The following FHIT variants were observed in gnomAD, a reference collection of about 807,000 sequenced individuals.
FHIT encodes the protein fragile histidine triad diadenosine triphosphatase.
FHIT carries 19 observed loss-of-function variants against 17.9 expected under a neutral mutation model. The ratio of observed to expected loss-of-function variants is 1.06; its 90% CI spans 0.74 to 1.56. The LOEUF (loss-of-function observed/expected upper bound fraction) is 1.56. FHIT is among the 40% of genes most tolerant of loss of function. FHIT has a pLI of 0.00. For missense variants in FHIT, 248 were observed against 189.2 expected, an observed-to-expected ratio of 1.31 and a Z score of -1.82; for synonymous variants, 81 against 69.7, an observed-to-expected ratio of 1.16 and a Z score of -0.81.
At chr3:60,339,758 C>T (rs1413958101) in intron 5 of FHIT, among the ~76,000 whole-genome samples, 1 of 152,142 alleles carries the variant, frequency 6.6e-6, no homozygotes, top group Non-Finnish European at 1.5e-5. Context: ...GCACAGAAAC[C>T]AACTCAAGCT....
chr3:59,984,402 G>GC (rs199720240), intron 7 of FHIT, among the ~76,000 whole-genome samples: 69 of 108,612 alleles, frequency 6.4e-4, no homozygotes, highest in African/African-American at 2.2e-3. Flanking sequence ...ACTGGGGGGG[G>GC]CTCTGGAAGA....
At chr3:60,942,703 T>A (rs1363795290) in intron 3 of FHIT, among the ~76,000 whole-genome samples, 1 of 152,194 alleles carries the variant, frequency 6.6e-6, no homozygotes, top group Non-Finnish European at 1.5e-5. Context: ...ATTTCATTTT[T>A]GGTAATATTT....
intron 1 of FHIT, among the ~76,000 whole-genome samples, chr3:61,236,229 TAA>T (rs2040228482): frequency 6.8e-6 from 1 of 148,020 alleles, no homozygotes; most frequent in Admixed American, 6.8e-5. Flanking sequence ...TATAATAATA[TAA>T]TATAGATATA....
Position 60,044,180 on chromosome 3 carries a change from G to A in FHIT, c.104-30028C>T, listed in dbSNP as rs184488183. Among the ~76,000 whole-genome samples, 305 of 152,232 alleles carry A rather than the reference G, an allele frequency of 2.0e-3. 1 individual carries two copies. Among genetic ancestry groups the A allele is most frequent in the African/African-American group, 7.0e-3 (289 of 41,548 alleles). ...CAGCCAAGTAAAACCCTAAAATCAG[G>A]AAAACATGGGTTTGCTGAATACAGT... On this transcript the variant is annotated intron_variant, in intron 5 of 9. Transcript: ENST00000492590.
At chr3:60,534,410 G>T (rs1235652435) in intron 5 of FHIT, among the ~76,000 whole-genome samples, 1 of 120,728 alleles carries the variant, frequency 8.3e-6, no homozygotes, top group Non-Finnish European at 1.7e-5. Context: ...TCCGCAGTCC[G>T]GCCTGGGCGA....
At chr3:60,324,577 A>G (rs1354265520) in intron 5 of FHIT, among the ~76,000 whole-genome samples, 2 of 151,902 alleles carry the variant, frequency 1.3e-5, no homozygotes, top group Non-Finnish European at 2.9e-5. Flanking sequence ...CCATCAGAAA[A>G]AAAAAAAAAA....
intron 8 of FHIT, among the ~76,000 whole-genome samples, chr3:59,800,120 A>G (rs1559617189): frequency 6.6e-6 from 1 of 152,246 alleles, no homozygotes; most frequent in Non-Finnish European, 1.5e-5. Context: ...CAAGAAGTGT[A>G]ACTGTGCTTG....
chr3:60,474,596 T>C (rs1209630222), intron 5 of FHIT, among the ~76,000 whole-genome samples: 3 of 152,128 alleles, frequency 2.0e-5, no homozygotes, highest in Non-Finnish European at 4.4e-5. Context: ...AGGCTCATTT[T>C]CACAAATGTA....
intron 7 of FHIT, among the ~76,000 whole-genome samples, chr3:59,973,683 G>C (rs1464387789): frequency 6.6e-6 from 1 of 152,036 alleles, no homozygotes; most frequent in East Asian, 1.9e-4. Context: ...GTTAGATTTT[G>C]TTCAACATTT....
At chr3:61,019,781 T>C (rs544540458) in intron 3 of FHIT, among the ~76,000 whole-genome samples, 2 of 152,362 alleles carry the variant, frequency 1.3e-5, no homozygotes, top group East Asian at 3.9e-4. Context: ...TCATTTCTTG[T>C]TCTATTCAAG....
intron 2 of FHIT, among the ~76,000 whole-genome samples, chr3:61,178,924 A>G (rs754500812): frequency 1.3e-5 from 2 of 152,066 alleles, no homozygotes; most frequent in Non-Finnish European, 2.9e-5. Context: ...TAGATTTGCA[A>G]GGCACTATAA....
At chr3:60,235,719 A>G (rs1704747651) in intron 5 of FHIT, among the ~76,000 whole-genome samples, 1 of 152,194 alleles carries the variant, frequency 6.6e-6, no homozygotes, top group Non-Finnish European at 1.5e-5. Context: ...GAAGCTTGAA[A>G]AACATCACAA....
chr3:60,585,845 A>G (rs988101182), intron 4 of FHIT, among the ~76,000 whole-genome samples: 1 of 151,634 alleles, frequency 6.6e-6, no homozygotes, highest in South Asian at 2.1e-4. Context: ...TTGTTTTACT[A>G]TTTTTTTTAA....
chr3:60,348,444 T>G (rs375700980), intron 5 of FHIT, among the ~76,000 whole-genome samples: 9 of 109,818 alleles, frequency 8.2e-5, no homozygotes, highest in East Asian at 2.0e-4. Context: ...TATTTTTGGG[T>G]TTTTTTTTCA....
chr3:60,466,255 T>C (rs560148969), intron 5 of FHIT, among the ~76,000 whole-genome samples: 2 of 152,106 alleles, frequency 1.3e-5, no homozygotes, highest in Non-Finnish European at 2.9e-5. Flanking sequence ...CTGTACTCAA[T>C]TTGTTTATCA....
At chr3:61,184,889 T>G (rs2038457647) in intron 2 of FHIT, among the ~76,000 whole-genome samples, 2 of 152,200 alleles carry the variant, frequency 1.3e-5, no homozygotes, top group African/African-American at 4.8e-5. Flanking sequence ...CACATTCACA[T>G]ACTTAGGAGT....
At chr3:60,379,802 A>T (rs1267003537) in intron 5 of FHIT, among the ~76,000 whole-genome samples, 1 of 152,204 alleles carries the variant, frequency 6.6e-6, no homozygotes, top group Non-Finnish European at 1.5e-5. Flanking sequence ...AATTTACAAA[A>T]TAAATGAAAT....
intron 8 of FHIT, among the ~76,000 whole-genome samples, chr3:59,843,818 T>C (rs748429377): frequency 2.6e-5 from 4 of 152,106 alleles, no homozygotes; most frequent in Non-Finnish European, 4.4e-5. Context: ...TGTAAGTTCA[T>C]ATCATCTGTA....
intron 5 of FHIT, among the ~76,000 whole-genome samples, chr3:60,447,431 A>G (rs1269742167): frequency 6.6e-6 from 1 of 152,188 alleles, no homozygotes; most frequent in Non-Finnish European, 1.5e-5. Context: ...AATTAGCTTC[A>G]AATATGATAA....
Sources: allele counts gnomAD v4.1 joint callset (sites outside exome capture counted in the v4.1 genomes callset), GRCh38; gene constraint gnomAD v4.1.1; transcripts MANE v1.5; gene names NCBI Gene and HGNC (gene_info 2026-07-23, HGNC 2026-07-21).